The following SCAMP1 variants were observed in gnomAD, a reference collection of about 807,000 sequenced individuals.
SCAMP1 encodes the protein secretory carrier-associated membrane protein 1.
A neutral mutation model predicts 41.8 loss-of-function variants in SCAMP1; 15 were observed. The ratio of observed to expected loss-of-function variants is 0.36; its 90% CI spans 0.24 to 0.55. SCAMP1 has a LOEUF of 0.55. Ranked by LOEUF, SCAMP1 falls within the 20% of genes least tolerant of loss-of-function variation. The probability of loss-of-function intolerance (pLI) is 0.86; values close to 1 mark genes in which losing one functional copy is unlikely to be tolerated. For missense variants in SCAMP1, 341 were observed against 412.6 expected (o/e 0.83, Z 1.50); for synonymous variants, 135 against 136.8 (o/e 0.99, Z 0.09).
chr5:78,429,746 A>C (rs1199169542), intron 6 of SCAMP1, among the ~76,000 whole-genome samples: 1 of 152,080 alleles, frequency 6.6e-6, no homozygotes, highest in Non-Finnish European at 1.5e-5. Context: ...CAGAATACTG[A>C]AATGGTTATT....
intron 1 of SCAMP1, among the ~76,000 whole-genome samples, chr5:78,366,728 G>A (rs1487584746): frequency 6.6e-6 from 1 of 152,106 alleles, no homozygotes; most frequent in Non-Finnish European, 1.5e-5. Flanking sequence ...GCTCATGCTT[G>A]TAATCCCAGT....
intron 7 of SCAMP1, among the ~76,000 whole-genome samples, chr5:78,458,327 G>A (rs1423927970): frequency 6.6e-6 from 1 of 152,078 alleles, no homozygotes; most frequent in Non-Finnish European, 1.5e-5. Flanking sequence ...AGCATTTAGT[G>A]GTTATTACTT....
chr5:78,368,892 A>T (rs1750866093), intron 1 of SCAMP1, among the ~76,000 whole-genome samples: 1 of 152,038 alleles, frequency 6.6e-6, no homozygotes, highest in Non-Finnish European at 1.5e-5. Flanking sequence ...AGGTAAAGGT[A>T]AATTTTGTCC....
intron 8 of SCAMP1, among the ~76,000 whole-genome samples, chr5:78,465,270 G>A (rs1399294522): frequency 3.9e-5 from 6 of 152,132 alleles, no homozygotes; most frequent in Non-Finnish European, 7.3e-5. Flanking sequence ...TTTTAGCATT[G>A]GAATTAGATG....
At chr5:78,361,233 T>G (rs1185569398) in intron 1 of SCAMP1, among the ~76,000 whole-genome samples, 1 of 147,546 alleles carries the variant, frequency 6.8e-6, no homozygotes, top group Non-Finnish European at 1.5e-5. Flanking sequence ...ATGCTGCAAT[T>G]AAAAAAAAAA....
intron 1 of SCAMP1, among the ~76,000 whole-genome samples, chr5:78,386,811 T>G (rs1487210056): frequency 6.6e-6 from 1 of 152,200 alleles, no homozygotes; most frequent in African/African-American, 2.4e-5. Flanking sequence ...CTGTAGGATT[T>G]CTGCTGAGAA....
chr5:78,449,434 C>G (rs1753160819), intron 6 of SCAMP1, among the ~76,000 whole-genome samples: 1 of 152,026 alleles, frequency 6.6e-6, no homozygotes, highest in Non-Finnish European at 1.5e-5. Context: ...ATATAAAATT[C>G]TATAAAATAG....
intron 2 of SCAMP1, among the ~76,000 whole-genome samples, chr5:78,402,672 T>C (rs533122804): frequency 1.3e-5 from 2 of 152,352 alleles, no homozygotes; most frequent in Admixed American, 1.3e-4. Context: ...CTAATCCATA[T>C]GTTTATTTAT....
intron 7 of SCAMP1, among the ~76,000 whole-genome samples, chr5:78,457,208 C>G (rs1021676017): frequency 1.2e-4 from 18 of 152,288 alleles, no homozygotes; most frequent in African/African-American, 4.3e-4. Context: ...CTCCATCCAG[C>G]TTTGTTCCGT....
intron 2 of SCAMP1, 131 bp downstream of exon 2, chr5:78,389,045 G>T: frequency 2.1e-6 from 1 of 486,682 alleles, no homozygotes. Flanking sequence ...TTAGTATTCA[G>T]CAAACTTGGA....
intron 1 of SCAMP1, among the ~76,000 whole-genome samples, chr5:78,367,796 TG>T: frequency 6.6e-6 from 1 of 152,110 alleles, no homozygotes; most frequent in Middle Eastern, 3.5e-3. Context: ...CACCTGCTGA[TG>T]CATAGCAGTT....
chr5:78,423,465 C>T (rs989550181), intron 6 of SCAMP1, among the ~76,000 whole-genome samples: 1 of 152,096 alleles, frequency 6.6e-6, no homozygotes, highest in East Asian at 1.9e-4. Flanking sequence ...GACATCTAAC[C>T]TCTGCCTAAT....
chr5:78,393,530 A>G (rs1751570917), intron 2 of SCAMP1, among the ~76,000 whole-genome samples: 2 of 152,212 alleles, frequency 1.3e-5, no homozygotes, highest in Non-Finnish European at 2.9e-5. Context: ...AGGAGTTGTA[A>G]CAAGACACTT....
chr5:78,363,762 G>T (rs995807354), intron 1 of SCAMP1, among the ~76,000 whole-genome samples: 1 of 152,008 alleles, frequency 6.6e-6, no homozygotes, highest in African/African-American at 2.4e-5. Context: ...AACCATAGTG[G>T]TTTACTTGAT....
At chr5:78,429,417 A>G (rs1244493161) in intron 6 of SCAMP1, among the ~76,000 whole-genome samples, 1 of 147,050 alleles carries the variant, frequency 6.8e-6, no homozygotes, top group Non-Finnish European at 1.5e-5. Flanking sequence ...TTCTGTTGCC[A>G]TGATCTGTGG....
chr5:78,441,018 A>T (rs1350800811), intron 6 of SCAMP1, among the ~76,000 whole-genome samples: 1 of 152,184 alleles, frequency 6.6e-6, no homozygotes, highest in African/African-American at 2.4e-5. Context: ...CAGGCACAGG[A>T]TATAATCTCC....
chr5:78,363,251 C>A (rs1399923497), intron 1 of SCAMP1, among the ~76,000 whole-genome samples: 1 of 149,638 alleles, frequency 6.7e-6, no homozygotes, highest in African/African-American at 2.5e-5. Context: ...CTCCCTCTGT[C>A]GCCCAGGTTG....
intron 6 of SCAMP1, among the ~76,000 whole-genome samples, chr5:78,433,296 C>G (rs1440762717): frequency 6.6e-6 from 1 of 151,912 alleles, no homozygotes; most frequent in Non-Finnish European, 1.5e-5. Context: ...CTTTTTATGC[C>G]TCATAATTTC....
intron 2 of SCAMP1, among the ~76,000 whole-genome samples, chr5:78,403,497 A>G (rs1003486151): frequency 6.6e-6 from 1 of 152,058 alleles, no homozygotes; most frequent in Non-Finnish European, 1.5e-5. Context: ...CTCTTAGACC[A>G]TTTGAGAATA....
Sources: gnomAD v4.1 joint callset for allele counts (sites outside exome capture counted in the v4.1 genomes callset) on GRCh38, gnomAD v4.1.1 for gene constraint, MANE v1.5 for transcripts, NCBI Gene and HGNC (gene_info 2026-07-23, HGNC 2026-07-21) for gene names.